The following CHST9 variants were observed in gnomAD, a reference collection of about 807,000 sequenced individuals.
CHST9 encodes GalNAc-4-sulfotransferase 2.
A neutral mutation model predicts 44.4 loss-of-function variants in CHST9; 41 were observed. The observed-to-expected ratio is 0.92, with a 90% CI of 0.72 to 1.20. The LOEUF (loss-of-function observed/expected upper bound fraction) is 1.20, where lower values mean the gene tolerates loss of function less well. Ranked by LOEUF, CHST9 falls within the 50% of genes most tolerant of loss-of-function variation. The probability of loss-of-function intolerance (pLI) is 0.00; values close to 1 mark genes in which losing one functional copy is unlikely to be tolerated. For missense variants in CHST9, 504 were observed against 516.5 expected (o/e 0.98, Z 0.23); for synonymous variants, 171 against 178.4 (o/e 0.96, Z 0.33).
intron 2 of CHST9, among the ~76,000 whole-genome samples, chr18:27,109,244 T>C (rs537514299): frequency 2.0e-5 from 3 of 152,192 alleles, no homozygotes; most frequent in East Asian, 3.9e-4. Flanking sequence ...ACCTGGGAGC[T>C]GGCGCATAAG....
At chr18:27,025,018 G>T (rs1196736380) in intron 3 of CHST9, among the ~76,000 whole-genome samples, 1 of 149,030 alleles carries the variant, frequency 6.7e-6, no homozygotes. Flanking sequence ...GGCTTTTTGG[G>T]TTACATGGTT....
At chr18:26,933,475 C>G (rs1029713610) in intron 5 of CHST9, 5 of 153,362 alleles carry the variant, frequency 3.3e-5, no homozygotes, top group African/African-American at 1.2e-4. Flanking sequence ...CTGCAGCAAC[C>G]GTGAGAACCT....
At chr18:27,157,475 T>A (rs1428198686) in intron 1 of CHST9, among the ~76,000 whole-genome samples, 2 of 152,198 alleles carry the variant, frequency 1.3e-5, no homozygotes, top group African/African-American at 2.4e-5. Context: ...CGTTTCACAT[T>A]CTAGCCCATG....
intron 5 of CHST9, among the ~76,000 whole-genome samples, chr18:26,929,746 G>A (rs1283771117): frequency 6.6e-6 from 1 of 152,082 alleles, no homozygotes; most frequent in African/African-American, 2.4e-5. Flanking sequence ...CAGTTATTAC[G>A]GGGTAGGAGG....
chr18:27,064,972 C>T (rs1223462719), intron 2 of CHST9, among the ~76,000 whole-genome samples: 1 of 152,148 alleles, frequency 6.6e-6, no homozygotes, highest in Admixed American at 6.5e-5. Flanking sequence ...AGTTTTGGTG[C>T]ATACAAATAA....
chr18:27,096,576 A>G (rs2058119003), intron 2 of CHST9, among the ~76,000 whole-genome samples: 1 of 151,954 alleles, frequency 6.6e-6, no homozygotes, highest in African/African-American at 2.4e-5. Flanking sequence ...CCAAATAAGC[A>G]TAATCAGAAA....
rs2055864040 is a variant in CHST9, at chr18:26,930,845, C to G, written c.240+13484G>C. 2.0e-5 allele frequency: 3 copies of G among 148,930 alleles called. No homozygotes were observed. The Admixed American group carries it at 2.1e-4, about 10-fold the overall frequency. 9.2% of individuals were successfully genotyped at this position (148,930 alleles called of 1,614,324 possible). A position where few individuals can be genotyped will look rare whatever the true frequency, so the allele number is the denominator to read the frequency against. ...CTCAGTAAGTGCAATGTGCAGTTGG[C>G]AGAGGGGAGGGAGCTGGGGGCACAC... On this transcript the variant is annotated intron_variant, in intron 5 of 5. Coordinates refer to ENST00000618847, the MANE Select transcript of CHST9 (RefSeq NM_031422.6).
At chr18:27,113,640 G>A (rs574126334) in intron 2 of CHST9, among the ~76,000 whole-genome samples, 3 of 152,228 alleles carry the variant, frequency 2.0e-5, no homozygotes, top group Middle Eastern at 6.8e-3. Flanking sequence ...GACACAGCAA[G>A]AAGGTGCCAT....
intron 1 of CHST9, among the ~76,000 whole-genome samples, chr18:27,148,189 A>G (rs892126058): frequency 2.0e-5 from 3 of 152,106 alleles, no homozygotes; most frequent in Non-Finnish European, 4.4e-5. Flanking sequence ...CACAAAGGAC[A>G]TGATCTCATT....
chr18:27,073,469 T>C (rs1221016156), intron 2 of CHST9, among the ~76,000 whole-genome samples: 1 of 151,582 alleles, frequency 6.6e-6, no homozygotes, highest in Non-Finnish European at 1.5e-5. Context: ...TTAGACTGAG[T>C]AGCCCAGACT....
intron 1 of CHST9, among the ~76,000 whole-genome samples, chr18:27,159,786 G>A (rs1331987169): frequency 6.6e-6 from 1 of 152,098 alleles, no homozygotes. Context: ...TTATTTCATT[G>A]AGCAGTGGTT....
chr18:27,106,695 T>C (rs2058224078), intron 2 of CHST9, among the ~76,000 whole-genome samples: 1 of 152,214 alleles, frequency 6.6e-6, no homozygotes, highest in South Asian at 2.1e-4. Context: ...TGCTTATTTG[T>C]ATAACACATC....
chr18:27,048,937 GTTATT>G lies in CHST9; in HGVS notation c.122-439_122-435del, dbSNP rs1325318106. ...TTTAAAGATATGAGATGATGAAACAGTTATTTTAAGAAAGGAGGGGGTGCTCATGA... is the reference window on the plus strand; with the variant it reads ...TTTAAAGATATGAGATGATGAAACAGTTAAGAAAGGAGGGGGTGCTCATGA... On this transcript the variant is annotated intron_variant, in intron 2 of 5. Transcript: ENST00000618847. Among the ~76,000 whole-genome samples, 10 of 152,244 alleles carry G rather than the reference GTTATT, an allele frequency of 6.6e-5. No individual in the cohort carries two copies. The East Asian group carries it at 1.9e-3, about 29-fold the overall frequency.
At chr18:27,055,227 C>T (rs1465240733) in intron 2 of CHST9, among the ~76,000 whole-genome samples, 4 of 152,048 alleles carry the variant, frequency 2.6e-5, no homozygotes, top group African/African-American at 9.7e-5. Context: ...GCACATGCTA[C>T]TTATTAAAAA....
intron 4 of CHST9, among the ~76,000 whole-genome samples, chr18:27,014,108 T>C (rs999884898): frequency 2.1e-4 from 32 of 152,154 alleles, no homozygotes; most frequent in East Asian, 1.9e-4. Context: ...CAAGAACATG[T>C]GCACTTCATT....
rs2055539104 is a variant in CHST9, at chr18:26,916,910, C to T, written c.681G>A (p.Trp227Ter). Residue 227 changes from tryptophan (W) to a stop codon, truncating the protein, a stop_gained, in exon 6 of 6, where the codon TGG becomes TGA. Coordinates refer to ENST00000618847, the MANE Select transcript of CHST9 (RefSeq NM_031422.6). LOFTEE classifies it high-confidence loss of function. ...CEVPKAGCSN[W>*]KRILMVLNGL... Reference sequence around the variant, plus strand: ...CATTTAGTACCATCAGAATTCTTTTCCAATTGGAACAGCCAGCCTTAGGTA... The same window carrying T: ...CATTTAGTACCATCAGAATTCTTTTTCAATTGGAACAGCCAGCCTTAGGTA... The T allele has an allele frequency of 6.2e-7, 1 of 1,613,680 alleles. No individual in the cohort carries two copies. The highest frequency in any genetic ancestry group is 1.3e-5 in the African/African-American group (1 of 74,860).
chr18:27,064,765 T>G (rs2057763234), intron 2 of CHST9, among the ~76,000 whole-genome samples: 1 of 152,124 alleles, frequency 6.6e-6, no homozygotes, highest in Non-Finnish European at 1.5e-5. Flanking sequence ...GGACACTGCT[T>G]GGGGTGAGGC....
chr18:27,026,255 C>T lies in CHST9; in HGVS notation c.161-2098G>A, dbSNP rs1171473223. Among the ~76,000 whole-genome samples the T allele has an allele frequency of 3.3e-5, 5 of 152,142 alleles. No individual in the cohort carries two copies. The East Asian group carries it at 9.6e-4, about 29-fold the overall frequency. On this transcript the variant is annotated intron_variant, in intron 3 of 5. Transcript: ENST00000618847. ...TCTTCCCTGGTCTAGTTTGTCCCTC[C>T]ACACATCATGGATGGAAGTATACTA...
rs78229889 is a variant in CHST9, at chr18:27,096,393, C to A, written c.121+46296G>T. ...GGAACTAGAAAACAACAGGAACACACTAATCCCAAAGATAGCAGAAAAAAA... is the reference window on the plus strand; with the variant it reads ...GGAACTAGAAAACAACAGGAACACAATAATCCCAAAGATAGCAGAAAAAAA... On this transcript the variant is annotated intron_variant, in intron 2 of 5. Coordinates refer to ENST00000618847, the MANE Select transcript of CHST9 (RefSeq NM_031422.6). Among the ~76,000 whole-genome samples, 322 of 151,694 alleles carry A rather than the reference C, an allele frequency of 2.1e-3. 3 individuals carry two copies. Among genetic ancestry groups the A allele is most frequent in the African/African-American group, 7.6e-3 (315 of 41,412 alleles).
Sources: gnomAD v4.1 joint callset for allele counts (sites outside exome capture counted in the v4.1 genomes callset) on GRCh38, gnomAD v4.1.1 for gene constraint, MANE v1.5 for transcripts, NCBI Gene and HGNC (gene_info 2026-07-23, HGNC 2026-07-21) for gene names.